Variants in CACNA1E observed in about 807,000 individuals in gnomAD.
CACNA1E encodes the protein voltage-dependent R-type calcium channel subunit alpha-1E.
Under a neutral mutation model 259.2 loss-of-function variants are expected in CACNA1E, and 40 were observed. The observed-to-expected ratio is 0.15, with a 90% confidence interval of 0.12 to 0.20. The LOEUF (loss-of-function observed/expected upper bound fraction) is 0.20. CACNA1E is among the 10% of genes least tolerant of loss of function. CACNA1E has a pLI of 1.00. For missense variants in CACNA1E, 1,874 were observed against 3,040.1 expected (o/e 0.62, Z 9.02); for synonymous variants, 1,104 against 1,138.5 (o/e 0.97, Z 0.61).
intron 18 of CACNA1E, among the ~76,000 whole-genome samples, chr1:181,727,709 C>T (rs1481278856): frequency 1.3e-5 from 2 of 152,096 alleles, no homozygotes; most frequent in East Asian, 1.9e-4. Flanking sequence ...TGCATCGGGG[C>T]CTGCATGAGG....
intron 25 of CACNA1E, among the ~76,000 whole-genome samples, chr1:181,748,825 A>G (rs1193211250): frequency 6.6e-6 from 1 of 152,122 alleles, no homozygotes; most frequent in Non-Finnish European, 1.5e-5. Context: ...AAGGTTGGCA[A>G]CCTCATTTGT....
chr1:181,747,083 G>A (rs531465901), intron 25 of CACNA1E, among the ~76,000 whole-genome samples: 4 of 152,280 alleles, frequency 2.6e-5, no homozygotes, highest in Non-Finnish European at 5.9e-5. Flanking sequence ...TGAGACACTC[G>A]AGGCTCCTCA....
chr1:181,452,594 C>A (rs1447804667), intron 2 of CACNA1E, among the ~76,000 whole-genome samples: 1 of 152,134 alleles, frequency 6.6e-6, no homozygotes, highest in Admixed American at 6.5e-5. Context: ...TTCCAGTTTT[C>A]TATGTCAGCC....
chr1:181,656,308 T>C (rs2102096347), intron 7 of CACNA1E, among the ~76,000 whole-genome samples: 1 of 152,242 alleles, frequency 6.6e-6, no homozygotes, highest in Non-Finnish European at 1.5e-5. Context: ...GGACAAGATA[T>C]GGAGGTGGAA....
intron 2 of CACNA1E, among the ~76,000 whole-genome samples, chr1:181,446,019 C>G (rs1004517675): frequency 6.6e-6 from 1 of 152,190 alleles, no homozygotes; most frequent in Admixed American, 6.5e-5. Flanking sequence ...GACTGTCACT[C>G]ATTCATCTTG....
rs1479967761 is a variant in CACNA1E at position 181,485,969 on chromosome 1, C to T, written c.266+1959C>T. ...CCGGCGGCCCGGGGCTCCCCAGTTACCCGGGTTCAGCACCTCGGGTACTTC... is the reference window on the plus strand; with the variant it reads ...CCGGCGGCCCGGGGCTCCCCAGTTATCCGGGTTCAGCACCTCGGGTACTTC... On this transcript the variant is annotated intron_variant, in intron 1 of 47. Coordinates refer to ENST00000367573, the MANE Select transcript of CACNA1E (RefSeq NM_001205293.3). The surrounding 1 kb of genome is among the most constrained non-coding windows in gnomAD (Gnocchi z 4.2). Among the ~76,000 whole-genome samples, 1 of 152,278 alleles carries T rather than the reference C, an allele frequency of 6.6e-6. No individual in the cohort carries two copies. The highest frequency in any genetic ancestry group is 1.9e-4 in the East Asian group (1 of 5,204).
At chr1:181,532,866 A>G (rs1293818751) in intron 3 of CACNA1E, among the ~76,000 whole-genome samples, 1 of 152,188 alleles carries the variant, frequency 6.6e-6, no homozygotes, top group Non-Finnish European at 1.5e-5. Flanking sequence ...CCTTTACTGG[A>G]GATGGAGAAC....
At chr1:181,568,947 G>A (rs1650126862) in intron 3 of CACNA1E, among the ~76,000 whole-genome samples, 2 of 152,144 alleles carry the variant, frequency 1.3e-5, no homozygotes. Flanking sequence ...TGATTCATTA[G>A]GTTTCAGCCA....
chr1:181,590,084 G>T (rs1350238980), intron 6 of CACNA1E, among the ~76,000 whole-genome samples: 1 of 152,108 alleles, frequency 6.6e-6, no homozygotes, highest in African/African-American at 2.4e-5. Flanking sequence ...CCTGCCTCCA[G>T]TTCCCTATGT....
intron 7 of CACNA1E, among the ~76,000 whole-genome samples, chr1:181,698,670 T>G (rs1242232651): frequency 6.6e-6 from 1 of 151,888 alleles, no homozygotes; most frequent in Non-Finnish European, 1.5e-5. Context: ...GGCACTGGAG[T>G]CCATGACAGG....
chr1:181,345,092 G>T (rs1406799609), intron 1 of CACNA1E, among the ~76,000 whole-genome samples: 1 of 152,254 alleles, frequency 6.6e-6, no homozygotes, highest in Non-Finnish European at 1.5e-5. Flanking sequence ...CTCAACAGAG[G>T]TGCCAGCGCC....
intron 6 of CACNA1E, among the ~76,000 whole-genome samples, chr1:181,601,759 G>A (rs1391288511): frequency 5.3e-5 from 8 of 152,152 alleles, no homozygotes; most frequent in Admixed American, 3.3e-4. Context: ...TCCTGGCAGT[G>A]TAAATCAGAC....
chr1:181,705,452 T>A (rs998902937), intron 7 of CACNA1E, among the ~76,000 whole-genome samples: 1 of 152,370 alleles, frequency 6.6e-6, no homozygotes, highest in South Asian at 2.1e-4. Context: ...TGCTCAACCA[T>A]GCAGGGCAAA....
intron 35 of CACNA1E, among the ~76,000 whole-genome samples, chr1:181,767,829 T>C (rs1248223391): frequency 6.6e-6 from 1 of 152,266 alleles, no homozygotes; most frequent in Non-Finnish European, 1.5e-5. Flanking sequence ...AAGTTTCATA[T>C]TGGCTTTGTA....
intron 1 of CACNA1E, among the ~76,000 whole-genome samples, chr1:181,324,724 G>A (rs1650635901): frequency 6.6e-6 from 1 of 152,156 alleles, no homozygotes; most frequent in Non-Finnish European, 1.5e-5. Context: ...CTTTCCTGGA[G>A]GTTTGCATCC....
chr1:181,736,938 C>T (rs887332576), intron 22 of CACNA1E, among the ~76,000 whole-genome samples: 3 of 152,096 alleles, frequency 2.0e-5, no homozygotes, highest in Admixed American at 2.0e-4. Flanking sequence ...AGAGCGGAGT[C>T]TGGAAGGTTA....
Position 181,732,497 on chromosome 1 carries a change from C to A in CACNA1E, c.2411C>A (p.Thr804Asn). The A allele has an allele frequency of 6.4e-7, 1 of 1,551,626 alleles. No individual in the cohort carries two copies. Among genetic ancestry groups the A allele is most frequent in the Non-Finnish European group, 8.7e-7 (1 of 1,146,962 alleles). Reference protein sequence around the residue: ...QEALNREEAPTMNPLNPLNPL... With the variant: ...QEALNREEAPNMNPLNPLNPL... Reference sequence around the variant, plus strand: ...GCCCTCAACAGAGAGGAGGCGCCGACCATGAACCCGCTCAACCCCCTCAAC... The same window carrying A: ...GCCCTCAACAGAGAGGAGGCGCCGAACATGAACCCGCTCAACCCCCTCAAC... The change falls in exon 20 of 48, where the codon ACC (threonine) becomes AAC (asparagine). Residue 804 changes from threonine (T) to asparagine (N), a missense_variant. Transcript: ENST00000367573. The surrounding 1 kb of genome is among the most constrained non-coding windows in gnomAD (Gnocchi z 5.5).
intron 7 of CACNA1E, among the ~76,000 whole-genome samples, chr1:181,658,552 T>C (rs1451632834): frequency 6.6e-6 from 1 of 152,196 alleles, no homozygotes; most frequent in East Asian, 1.9e-4. Context: ...CCTTCGATAA[T>C]ATTAACATAC....
At chr1:181,537,637 G>C (rs1264590425) in intron 3 of CACNA1E, among the ~76,000 whole-genome samples, 1 of 152,188 alleles carries the variant, frequency 6.6e-6, no homozygotes, top group African/African-American at 2.4e-5. Flanking sequence ...CTGAGTCTCA[G>C]TTACTTCACA....
Sources: allele counts gnomAD v4.1 joint callset (sites outside exome capture counted in the v4.1 genomes callset), GRCh38; gene constraint gnomAD v4.1.1; non-coding constraint Gnocchi (gnomAD v3.1); transcripts MANE v1.5; gene names NCBI Gene and HGNC (gene_info 2026-07-23, HGNC 2026-07-21).